ARID4B: variants seen among roughly 807,000 people sequenced by gnomAD.
The protein encoded by ARID4B is AT-rich interaction domain 4B.
ARID4B carries 26 observed loss-of-function variants against 147.5 expected under a neutral mutation model. That is an observed-to-expected ratio of 0.18 (90% CI 0.13 to 0.24). The LOEUF is 0.24. Among genes scored for constraint, ARID4B ranks in the 10% least tolerant of loss-of-function variants. The pLI is 1.00. For missense variants in ARID4B, 1,179 were observed against 1,511.5 expected, an observed-to-expected ratio of 0.78 and a Z score of 3.65; for synonymous variants, 512 against 507.9, an observed-to-expected ratio of 1.01 and a Z score of -0.11.
chr1:235,320,281 G>A (rs1667236155), intron 2 of ARID4B, among the ~76,000 whole-genome samples: 1 of 152,190 alleles, frequency 6.6e-6, no homozygotes, highest in African/African-American at 2.4e-5. Context: ...CTCCAGCCTA[G>A]GCAACAGAGA....
chr1:235,292,042 C>T (rs1171836919), intron 2 of ARID4B, among the ~76,000 whole-genome samples: 5 of 152,140 alleles, frequency 3.3e-5, no homozygotes, highest in Admixed American at 1.3e-4. Flanking sequence ...TTTTTTAAAA[C>T]TTTTCAGCCA....
intron 5 of ARID4B, 98 bp downstream of exon 5, chr1:235,255,562 G>A (rs1034426767): frequency 1.9e-4 from 130 of 688,304 alleles, no homozygotes; most frequent in Non-Finnish European, 2.6e-4. Context: ...TAATATCTAG[G>A]GTATTAAGAA....
At chr1:235,188,544 G>C (rs1237016317) in intron 19 of ARID4B, among the ~76,000 whole-genome samples, 1 of 152,158 alleles carries the variant, frequency 6.6e-6, no homozygotes, top group Non-Finnish European at 1.5e-5. Flanking sequence ...AGGGCTCCTA[G>C]CCTGGGAGAT....
chr1:235,184,626 A>G (rs2102931838), intron 19 of ARID4B, among the ~76,000 whole-genome samples: 1 of 152,306 alleles, frequency 6.6e-6, no homozygotes, highest in Non-Finnish European at 1.5e-5. Context: ...AAACCATTTC[A>G]CCTTTACAAT....
In ARID4B at chr1:235,255,268, T is replaced by G. The variant is rs1182950368; in HGVS notation, c.274+392A>C. ...ATAGATAGATAGATAGATAGATATATATCTCTCTCTCTCTCTCTCTATATA... is the reference window on the plus strand; with the variant it reads ...ATAGATAGATAGATAGATAGATATAGATCTCTCTCTCTCTCTCTCTATATA... On this transcript the variant is annotated intron_variant, in intron 5 of 23. Coordinates refer to ENST00000264183, the MANE Select transcript of ARID4B (RefSeq NM_016374.6). Among the ~76,000 whole-genome samples, 180 of 122,574 alleles carry G rather than the reference T, an allele frequency of 1.5e-3. 1 individual carries two copies. Among genetic ancestry groups the G allele is most frequent in the East Asian group, 0.011 (53 of 4,860 alleles). The allele number at this position is 122,574 out of a possible 152,430, so 80.4% of individuals were successfully genotyped here.
At chr1:235,282,098 T>C (rs192705652) in intron 2 of ARID4B, among the ~76,000 whole-genome samples, 5 of 152,294 alleles carry the variant, frequency 3.3e-5, no homozygotes, top group African/African-American at 4.8e-5. Context: ...TTTGAAGGAA[T>C]TGAAAATCAT....
intron 2 of ARID4B, among the ~76,000 whole-genome samples, chr1:235,270,148 T>G (rs970053167): frequency 1.7e-4 from 26 of 152,196 alleles, no homozygotes; most frequent in African/African-American, 5.5e-4. Context: ...CCGGGCGTCA[T>G]GACAGGCGCC....
At chr1:235,226,725 T>C (rs1181537417) in intron 11 of ARID4B, among the ~76,000 whole-genome samples, 2 of 152,196 alleles carry the variant, frequency 1.3e-5, no homozygotes, top group African/African-American at 2.4e-5. Flanking sequence ...GGTTTCACCA[T>C]GTTAGCCAGG....
intron 5 of ARID4B, among the ~76,000 whole-genome samples, chr1:235,254,486 T>A (rs2152953): frequency 0.42 from 63,619 of 151,136 alleles, 13,986 homozygotes; most frequent in South Asian, 0.6. Context: ...AAAATAAATT[T>A]AAAAAGTATA....
rs192628299 is a variant in ARID4B, at chr1:235,316,714, G to C, written c.6+10200C>G. On this transcript the variant is annotated intron_variant, in intron 2 of 23. Transcript: ENST00000264183. ...GGCGCCTGTAATCCCAGCTACTTGG[G>C]AGGCTGAGGGAGAAGAATCGTTTGA... 2.6e-3 allele frequency among the ~76,000 whole-genome samples: 400 copies of C among 152,046 alleles called. 2 individuals are homozygous for C. Among genetic ancestry groups the C allele is most frequent in the Middle Eastern group, 0.024 (7 of 294 alleles).
At chr1:235,291,885 T>G (rs1262409318) in intron 2 of ARID4B, among the ~76,000 whole-genome samples, 1 of 152,066 alleles carries the variant, frequency 6.6e-6, no homozygotes, top group African/African-American at 2.4e-5. Flanking sequence ...GTAGGAGAGA[T>G]AGGGAAGTAA....
intron 20 of ARID4B, chr1:235,180,510 T>A (rs1664245539): frequency 6.6e-6 from 1 of 152,184 alleles, no homozygotes; most frequent in Admixed American, 6.6e-5. Flanking sequence ...TGAAGATTAG[T>A]CATGCCTGGA....
chr1:235,220,601 G>T, intron 14 of ARID4B, 56 bp from the exon 15 acceptor site: 2 of 1,332,830 alleles, frequency 1.5e-6, no homozygotes, highest in Non-Finnish European at 2.0e-6. Context: ...TATAACTATA[G>T]AGTTATTTTT....
intron 16 of ARID4B, among the ~76,000 whole-genome samples, chr1:235,216,312 C>T (rs557069249): frequency 4.9e-5 from 7 of 143,938 alleles, no homozygotes; most frequent in African/African-American, 1.3e-4. Flanking sequence ...TATATGTATA[C>T]ACACACACAC....
intron 2 of ARID4B, 143 bp from the exon 3 acceptor site, chr1:235,260,895 C>T: frequency 1.8e-6 from 1 of 562,632 alleles, no homozygotes. Context: ...CTATAAAATA[C>T]TATAAATTAA....
chr1:235,309,094 T>C (rs1389675268), intron 2 of ARID4B, among the ~76,000 whole-genome samples: 5 of 129,116 alleles, frequency 3.9e-5, no homozygotes, highest in African/African-American at 1.5e-4. Context: ...GGCCGCCCAT[T>C]GTCTGAGATG....
chr1:235,266,648 G>A (rs1294242643), intron 2 of ARID4B, among the ~76,000 whole-genome samples: 2 of 151,868 alleles, frequency 1.3e-5, no homozygotes, highest in Non-Finnish European at 2.9e-5. Flanking sequence ...TTAGCTATTA[G>A]TGGATAATAA....
intron 17 of ARID4B, among the ~76,000 whole-genome samples, chr1:235,212,577 T>G (rs1666782481): frequency 6.6e-6 from 1 of 152,148 alleles, no homozygotes; most frequent in East Asian, 1.9e-4. Context: ...AGCTTCCTAT[T>G]ACACAACAGG....
At chr1:235,268,685 T>C (rs1262926568) in intron 2 of ARID4B, among the ~76,000 whole-genome samples, 2 of 152,106 alleles carry the variant, frequency 1.3e-5, no homozygotes, top group Non-Finnish European at 2.9e-5. Context: ...CTCGCCACCA[T>C]GTCCAGCTAA....
Sources: gnomAD v4.1 joint callset for allele counts (sites outside exome capture counted in the v4.1 genomes callset) on GRCh38, gnomAD v4.1.1 for gene constraint, MANE v1.5 for transcripts, NCBI Gene and HGNC (gene_info 2026-07-23, HGNC 2026-07-21) for gene names.